INPP5D: variants seen among roughly 807,000 people sequenced by gnomAD.
The protein encoded by INPP5D is inositol polyphosphate-5-phosphatase D.
In INPP5D, 33 loss-of-function variants were observed where a neutral mutation model predicts 122.9. The ratio of observed to expected loss-of-function variants is 0.27; its 90% CI spans 0.20 to 0.36. The LOEUF is 0.36. INPP5D is among the 10% of genes least tolerant of loss of function. The probability of loss-of-function intolerance (pLI) is 1.00; values close to 1 mark genes in which losing one functional copy is unlikely to be tolerated. For synonymous variants in INPP5D, 584 were observed against 576.2 expected, an observed-to-expected ratio of 1.01 and a Z score of -0.19; for missense variants, 1,053 against 1,412.7, an observed-to-expected ratio of 0.75 and a Z score of 4.08.
chr2:233,086,025 T>C (rs1691822389), intron 2 of INPP5D, among the ~76,000 whole-genome samples: 1 of 152,188 alleles, frequency 6.6e-6, no homozygotes, highest in Non-Finnish European at 1.5e-5. Context: ...GGGAATGGGA[T>C]GCAAGTGTAA....
At chr2:233,161,972 C>T in intron 11 of INPP5D, 146 bp downstream of exon 11, 1 of 1,291,846 alleles carries the variant, frequency 7.7e-7, no homozygotes, top group African/African-American at 1.5e-5. Flanking sequence ...AGCCCACCCG[C>T]ACAACCTCCT....
rs1229628280 is a variant in INPP5D at position 233,100,225 on chromosome 2, C to G, written c.198+20827C>G. Among the ~76,000 whole-genome samples, 1 of 152,176 alleles carries G rather than the reference C, an allele frequency of 6.6e-6. No individual in the cohort carries two copies. The highest frequency in any genetic ancestry group is 2.4e-5 in the African/African-American group (1 of 41,444). ...CCTGTCGCCTCACTCGCAGCCTGTT[C>G]CACTCATTTACATCACCCGCCTGAC... On this transcript the variant is annotated intron_variant, in intron 2 of 26. Coordinates refer to ENST00000445964, the MANE Select transcript of INPP5D (RefSeq NM_001017915.3). This position sits in a 1 kb window ranked among gnomAD's most constrained non-coding sequence, Gnocchi z 5.3.
At chr2:233,110,199 A>C (rs1475204707) in intron 2 of INPP5D, among the ~76,000 whole-genome samples, 7 of 151,682 alleles carry the variant, frequency 4.6e-5, no homozygotes. Context: ...TTACAGGTAC[A>C]CACCACCATG....
chr2:233,204,781 T>TGTGTATGC lies in INPP5D; in HGVS notation c.3567+69_3567+70insTGCGTGTA, dbSNP rs779173851. The TGTGTATGC allele has an allele frequency of 4.2e-5, 60 of 1,442,278 alleles. No individual in the cohort carries two copies. The East Asian group carries it at 1.5e-3, about 35-fold the overall frequency. The allele number at this position is 1,442,278 out of a possible 1,614,324, so 89.3% of individuals were successfully genotyped here. ...GTGTGTGCATGCGTGAGTGCGTATG[T>TGTGTATGC]GTGTACCTATGCATATGTGTGTGCA... On this transcript the variant is annotated intron_variant, in intron 26 of 26. Transcript: ENST00000445964.
chr2:233,071,442 C>T (rs1436245541), intron 1 of INPP5D, among the ~76,000 whole-genome samples: 1 of 152,102 alleles, frequency 6.6e-6, no homozygotes, highest in Non-Finnish European at 1.5e-5. Context: ...GTACTCTGTT[C>T]CATGTATATC....
chr2:233,169,425 G>C, intron 14 of INPP5D, 24 bp downstream of exon 14: 4 of 1,569,530 alleles, frequency 2.5e-6, no homozygotes, highest in Non-Finnish European at 3.5e-6. Flanking sequence ...TTCCCCCCAA[G>C]AGTGTGCATT....
intron 2 of INPP5D, 83 bp from the exon 3 acceptor site, chr2:233,122,024 G>A: frequency 6.6e-7 from 1 of 1,511,950 alleles, no homozygotes; most frequent in South Asian, 1.2e-5. Context: ...CCGCCTCGCT[G>A]GTCTCTGCTG....
At chr2:233,163,241 T>C (rs1433955493) in intron 11 of INPP5D, among the ~76,000 whole-genome samples, 2 of 152,212 alleles carry the variant, frequency 1.3e-5, no homozygotes, top group African/African-American at 4.8e-5. Context: ...CTCTCCCGTT[T>C]CTCTGGCTCA....
At chr2:233,102,861 A>G (rs945751290) in intron 2 of INPP5D, among the ~76,000 whole-genome samples, 21 of 150,550 alleles carry the variant, frequency 1.4e-4, no homozygotes, top group African/African-American at 4.7e-4. Flanking sequence ...AAAAAAAAAA[A>G]AAACAACCAA....
At chr2:233,083,754 C>G (rs1444439638) in intron 2 of INPP5D, among the ~76,000 whole-genome samples, 1 of 152,164 alleles carries the variant, frequency 6.6e-6, no homozygotes, top group Admixed American at 6.5e-5. Flanking sequence ...TGGGCCAGCT[C>G]CAGGGTGGCC....
At position 233,101,669 on chromosome 2, in the gene INPP5D, AT is replaced by A. The variant is rs1046356676; in HGVS notation, c.199-20437del. On this transcript the variant is annotated intron_variant, in intron 2 of 26. Coordinates refer to ENST00000445964, the MANE Select transcript of INPP5D (RefSeq NM_001017915.3). The stretch of plus-strand genomic sequence containing the variant: ...ATATATAACATATAATAGATATTAT[AT>A]ATTACATATTATATAAGTAGTAATT... Among the ~76,000 whole-genome samples the A allele has an allele frequency of 3.7e-3, 536 of 144,462 alleles. 1 individual carries two copies. The highest frequency in any genetic ancestry group is 5.9e-3 in the Non-Finnish European group (388 of 66,304). The allele number at this position is 144,462 out of a possible 152,430, so 94.8% of individuals were successfully genotyped here.
chr2:233,092,044 C>T (rs766178752), intron 2 of INPP5D, among the ~76,000 whole-genome samples: 20 of 152,194 alleles, frequency 1.3e-4, no homozygotes, highest in African/African-American at 4.3e-4. Flanking sequence ...TTTCCTGTTC[C>T]GAAATTATCT....
At chr2:233,087,951 C>T (rs747375626) in intron 2 of INPP5D, among the ~76,000 whole-genome samples, 17 of 152,086 alleles carry the variant, frequency 1.1e-4, no homozygotes, top group Non-Finnish European at 2.1e-4. Context: ...CAAAGTGGAT[C>T]CTCATTTCAG....
intron 2 of INPP5D, among the ~76,000 whole-genome samples, chr2:233,079,704 C>A (rs1426420469): frequency 6.6e-6 from 1 of 152,146 alleles, no homozygotes; most frequent in Non-Finnish European, 1.5e-5. Flanking sequence ...TGTGGCTTGG[C>A]CGACTGTTGT....
intron 2 of INPP5D, among the ~76,000 whole-genome samples, chr2:233,087,315 A>ATATT (rs915947889): frequency 7.9e-5 from 12 of 151,508 alleles, no homozygotes; most frequent in East Asian, 1.9e-4. Context: ...ATTTTATATT[A>ATATT]TATTTATTTA....
At chr2:233,201,342 T>C (rs892418061) in intron 25 of INPP5D, among the ~76,000 whole-genome samples, 15 of 152,214 alleles carry the variant, frequency 9.9e-5, no homozygotes, top group Non-Finnish European at 2.9e-5. Flanking sequence ...AGCGAATGGA[T>C]CTTGGTGCAT....
chr2:233,079,084 C>T (rs896981618), intron 1 of INPP5D, among the ~76,000 whole-genome samples: 1 of 152,104 alleles, frequency 6.6e-6, no homozygotes, highest in African/African-American at 2.4e-5. Flanking sequence ...TGCCGGGTCC[C>T]CACCTAAATG....
intron 18 of INPP5D, 30 bp from the exon 19 acceptor site, chr2:233,182,380 C>T (rs2106313640): frequency 6.2e-7 from 1 of 1,612,514 alleles, no homozygotes; most frequent in Non-Finnish European, 8.5e-7. Context: ...TTCTCCTTCC[C>T]TGCTTAAAAA....
At chr2:233,165,542 GTGTGTGAGTGTCTA>G (rs1284406311) in intron 13 of INPP5D, among the ~76,000 whole-genome samples, 1 of 151,734 alleles carries the variant, frequency 6.6e-6, no homozygotes, top group African/African-American at 2.4e-5. Context: ...ATATCTATGA[GTGTGTGAGTGTCTA>G]TGTGTGTGTG....
Sources: allele counts gnomAD v4.1 joint callset (sites outside exome capture counted in the v4.1 genomes callset), GRCh38; gene constraint gnomAD v4.1.1; non-coding constraint Gnocchi (gnomAD v3.1); transcripts MANE v1.5; gene names NCBI Gene and HGNC (gene_info 2026-07-23, HGNC 2026-07-21).